The following CACNA2D1 variants were observed in gnomAD, a reference collection of about 807,000 sequenced individuals.
The protein encoded by CACNA2D1 is voltage-dependent calcium channel subunit alpha-2/delta-1.
In CACNA2D1, 53 loss-of-function variants were observed where a neutral mutation model predicts 171.5. That is an observed-to-expected ratio of 0.31 (90% CI 0.25 to 0.39). The LOEUF (loss-of-function observed/expected upper bound fraction) is 0.39. Ranked by LOEUF, CACNA2D1 falls within the 10% of genes least tolerant of loss-of-function variation. The pLI is 1.00. For missense variants in CACNA2D1, 903 were observed against 1,299.8 expected (o/e 0.69, Z 4.69); for synonymous variants, 442 against 443.1 (o/e 1.00, Z 0.03).
At chr7:82,337,239 T>A (rs563410520) in intron 2 of CACNA2D1, among the ~76,000 whole-genome samples, 2 of 152,248 alleles carry the variant, frequency 1.3e-5, no homozygotes, top group East Asian at 1.9e-4. Flanking sequence ...AATATCTGGC[T>A]GTATTATTTT....
chr7:82,114,323 G>A (rs1788780992), intron 6 of CACNA2D1, among the ~76,000 whole-genome samples: 1 of 152,192 alleles, frequency 6.6e-6, no homozygotes, highest in African/African-American at 2.4e-5. Flanking sequence ...GTAAGAGAAT[G>A]CAGATTCTAA....
intron 9 of CACNA2D1, among the ~76,000 whole-genome samples, chr7:82,063,771 CTTGAA>C (rs372878187): frequency 6.6e-6 from 1 of 152,172 alleles, no homozygotes; most frequent in East Asian, 1.9e-4. Context: ...ACACATATAT[CTTGAA>C]TTGAAGCACT....
chr7:82,226,658 T>C (rs935398892), intron 3 of CACNA2D1, among the ~76,000 whole-genome samples: 2 of 152,088 alleles, frequency 1.3e-5, no homozygotes, highest in African/African-American at 4.8e-5. Flanking sequence ...AACTGATCCA[T>C]AGATGAAAAA....
chr7:82,200,682 A>G (rs1451051876), intron 3 of CACNA2D1, among the ~76,000 whole-genome samples: 1 of 151,954 alleles, frequency 6.6e-6, no homozygotes, highest in East Asian at 1.9e-4. Flanking sequence ...CTATTTTGTG[A>G]ACACACCCTA....
At chr7:81,950,969 AT>A (rs1453120190) in intron 38 of CACNA2D1, among the ~76,000 whole-genome samples, 1 of 152,096 alleles carries the variant, frequency 6.6e-6, no homozygotes, top group Non-Finnish European at 1.5e-5. Context: ...TTCTTATACA[AT>A]TTATAAGGCT....
At chr7:82,436,006 C>T (rs1054151834) in intron 1 of CACNA2D1, among the ~76,000 whole-genome samples, 15 of 152,218 alleles carry the variant, frequency 9.9e-5, no homozygotes, top group South Asian at 2.1e-4. Context: ...GTACTTTTTC[C>T]TTGGTCATGC....
At chr7:82,087,351 C>T (rs1284808276) in intron 6 of CACNA2D1, among the ~76,000 whole-genome samples, 1 of 152,082 alleles carries the variant, frequency 6.6e-6, no homozygotes, top group African/African-American at 2.4e-5. Flanking sequence ...AGCAGTTTGA[C>T]TGGATCTACC....
intron 2 of CACNA2D1, among the ~76,000 whole-genome samples, chr7:82,343,668 C>A (rs2129445223): frequency 6.6e-6 from 1 of 152,144 alleles, no homozygotes; most frequent in African/African-American, 2.4e-5. Flanking sequence ...TTGTTTAATT[C>A]TGGAGATAAT....
At chr7:82,400,532 T>A (rs1360572892) in intron 1 of CACNA2D1, among the ~76,000 whole-genome samples, 1 of 151,740 alleles carries the variant, frequency 6.6e-6, no homozygotes, top group East Asian at 2.0e-4. Context: ...ATCCCTTCCT[T>A]ACACCTTATA....
chr7:82,150,247 T>C (rs1481314164), intron 4 of CACNA2D1, among the ~76,000 whole-genome samples: 1 of 130,578 alleles, frequency 7.7e-6, no homozygotes, highest in East Asian at 2.1e-4. Context: ...TGCTTTGCTT[T>C]AGATCAAATT....
At chr7:82,419,317 G>A (rs1254925274) in intron 1 of CACNA2D1, among the ~76,000 whole-genome samples, 1 of 152,146 alleles carries the variant, frequency 6.6e-6, no homozygotes, top group Non-Finnish European at 1.5e-5. Context: ...TAGCAAGAGT[G>A]TGTGTCCATG....
chr7:82,034,376 A>G (rs1376573563), intron 11 of CACNA2D1, among the ~76,000 whole-genome samples: 1 of 152,110 alleles, frequency 6.6e-6, no homozygotes, highest in Non-Finnish European at 1.5e-5. Flanking sequence ...TAATAAATAC[A>G]ACGTTTTTCT....
chr7:82,190,760 T>C (rs1399564190), intron 3 of CACNA2D1, among the ~76,000 whole-genome samples: 3 of 151,664 alleles, frequency 2.0e-5, no homozygotes, highest in South Asian at 2.1e-4. Flanking sequence ...GAATCATATA[T>C]TGTTAGAGAC....
At chr7:82,051,073 T>C (rs1298449771) in intron 10 of CACNA2D1, 1 of 168,238 alleles carries the variant, frequency 5.9e-6, no homozygotes, top group Non-Finnish European at 1.3e-5. Context: ...TGCTCTTTAC[T>C]TGATATAAAC....
intron 3 of CACNA2D1, among the ~76,000 whole-genome samples, chr7:82,186,081 G>A (rs1390891335): frequency 4.6e-5 from 7 of 151,734 alleles, no homozygotes; most frequent in East Asian, 2.0e-4. Context: ...GCTTGAACCC[G>A]GGAGGTGGAG....
chr7:82,340,782 TGAAC>T (rs1217526361), intron 2 of CACNA2D1, among the ~76,000 whole-genome samples: 1 of 152,128 alleles, frequency 6.6e-6, no homozygotes, highest in Non-Finnish European at 1.5e-5. Context: ...AATATCGAAA[TGAAC>T]ATACATACAT....
At chr7:82,429,616 T>A (rs945205558) in intron 1 of CACNA2D1, among the ~76,000 whole-genome samples, 5 of 152,230 alleles carry the variant, frequency 3.3e-5, no homozygotes, top group African/African-American at 1.2e-4. Context: ...AGACAGGTTG[T>A]GTCACATCTG....
intron 3 of CACNA2D1, among the ~76,000 whole-genome samples, chr7:82,320,394 C>T (rs1368164973): frequency 6.6e-6 from 1 of 151,910 alleles, no homozygotes; most frequent in Non-Finnish European, 1.5e-5. Flanking sequence ...AAAAGGAAAA[C>T]AAACAATAAA....
intron 3 of CACNA2D1, among the ~76,000 whole-genome samples, chr7:82,329,280 G>A (rs1372369266): frequency 6.6e-6 from 1 of 152,054 alleles, no homozygotes; most frequent in Non-Finnish European, 1.5e-5. Context: ...ATTAAGAGTT[G>A]GAGTATATTA....
Sources: allele counts gnomAD v4.1 joint callset (sites outside exome capture counted in the v4.1 genomes callset), GRCh38; gene constraint gnomAD v4.1.1; transcripts MANE v1.5; gene names NCBI Gene and HGNC (gene_info 2026-07-23, HGNC 2026-07-21).